RSF1: variants seen among roughly 807,000 people sequenced by gnomAD.
RSF1 encodes the protein HBV pX-associated protein 8.
A neutral mutation model predicts 145.2 loss-of-function variants in RSF1; 13 were observed. That is an observed-to-expected ratio of 0.09 (90% CI 0.06 to 0.14). RSF1 has a LOEUF of 0.14. Among genes scored for constraint, RSF1 ranks in the 10% least tolerant of loss-of-function variants. RSF1 has a pLI of 1.00. For missense variants in RSF1, 1,517 were observed against 1,718.2 expected (o/e 0.88, Z 2.07); for synonymous variants, 577 against 592.6 (o/e 0.97, Z 0.38).
chr11:77,813,146 A>T, intron 1 of RSF1, among the ~76,000 whole-genome samples: 1 of 152,314 alleles, frequency 6.6e-6, no homozygotes, highest in East Asian at 1.9e-4. Flanking sequence ...AGAATATCTT[A>T]CACAACTTAC....
chr11:77,864,371 C>T, the RSF1 span, among the ~76,000 whole-genome samples: 1 of 151,266 alleles, frequency 6.6e-6, no homozygotes, highest in Non-Finnish European at 1.5e-5. Flanking sequence ...ACCCGGGAGT[C>T]GGAGGTTGCA....
chr11:77,671,138 AATATATATATATAT>A (rs1225103987), intron 15 of RSF1, among the ~76,000 whole-genome samples: 222 of 21,962 alleles, frequency 0.01, no homozygotes, highest in African/African-American at 0.034. Flanking sequence ...AAAAAAAAAA[AATATATATATATAT>A]ATATATATAT....
upstream of RSF1, chr11:77,820,760 G>A (rs1948865989): frequency 3.3e-6 from 5 of 1,519,710 alleles, no homozygotes; most frequent in Non-Finnish European, 4.4e-6. Flanking sequence ...GGCGGGGGAA[G>A]TTGTGGTGCC....
At chr11:77,852,731 C>G in the RSF1 span, among the ~76,000 whole-genome samples, 8 of 152,042 alleles carry the variant, frequency 5.3e-5, no homozygotes, top group Admixed American at 1.3e-4. Context: ...AAAAAATAAG[C>G]AAATACAAAA....
chr11:77,846,313 C>T, the RSF1 span, among the ~76,000 whole-genome samples: 1 of 152,138 alleles, frequency 6.6e-6, no homozygotes, highest in Non-Finnish European at 1.5e-5. Flanking sequence ...AGGTCAATTT[C>T]TTCTTTTAGA....
At chr11:77,687,126 T>C (rs1960030437) in intron 9 of RSF1, among the ~76,000 whole-genome samples, 1 of 152,196 alleles carries the variant, frequency 6.6e-6, no homozygotes, top group Non-Finnish European at 1.5e-5. Flanking sequence ...TAGAAACACA[T>C]ATTTTGCTGT....
chr11:77,714,255 T>C (rs562255046), intron 5 of RSF1, among the ~76,000 whole-genome samples: 3 of 152,306 alleles, frequency 2.0e-5, no homozygotes, highest in African/African-American at 4.8e-5. Flanking sequence ...ATGAGGCCCA[T>C]AGTACCTGAG....
chr11:77,768,404 C>G (rs921395009), intron 1 of RSF1, among the ~76,000 whole-genome samples: 2 of 152,124 alleles, frequency 1.3e-5, no homozygotes, highest in African/African-American at 2.4e-5. Flanking sequence ...CTCATGATCT[C>G]CCGCCTCGGC....
chr11:77,821,710 G>A (rs143169289), upstream of RSF1, among the ~76,000 whole-genome samples: 3 of 151,872 alleles, frequency 2.0e-5, no homozygotes, highest in East Asian at 5.8e-4. Context: ...TTAGAAGACA[G>A]GGTTCCACTT....
intron 5 of RSF1, chr11:77,702,753 T>C (rs912877473): frequency 1.0e-5 from 3 of 288,364 alleles, no homozygotes; most frequent in African/African-American, 2.2e-5. Flanking sequence ...GTGTTCTCAA[T>C]GGATTGCAAA....
chr11:77,708,803 A>G (rs995502403), intron 5 of RSF1, among the ~76,000 whole-genome samples: 21 of 152,080 alleles, frequency 1.4e-4, no homozygotes, highest in Non-Finnish European at 1.5e-4. Flanking sequence ...CCTGTTACAA[A>G]TAGTCCCCAC....
intron 5 of RSF1, among the ~76,000 whole-genome samples, chr11:77,712,274 C>T (rs501821): frequency 1.3e-5 from 2 of 152,188 alleles, no homozygotes; most frequent in Non-Finnish European, 2.9e-5. Context: ...GGGAGTTCCC[C>T]TGCACAAGCT....
chr11:77,824,407 T>C (rs1949074988), upstream of RSF1, among the ~76,000 whole-genome samples: 1 of 152,236 alleles, frequency 6.6e-6, no homozygotes, highest in African/African-American at 2.4e-5. Flanking sequence ...TCTTAAGATA[T>C]TTCAAATTTC....
intron 1 of RSF1, among the ~76,000 whole-genome samples, chr11:77,802,820 G>C (rs1018570791): frequency 6.6e-6 from 1 of 152,114 alleles, no homozygotes; most frequent in Non-Finnish European, 1.5e-5. Flanking sequence ...CAAAGTGCTA[G>C]GATTACAGGA....
the RSF1 span, among the ~76,000 whole-genome samples, chr11:77,857,848 C>A: frequency 6.6e-6 from 1 of 152,164 alleles, no homozygotes; most frequent in African/African-American, 2.4e-5. Flanking sequence ...AGGTGCGCAC[C>A]ACCATGCCCT....
At chr11:77,792,866 T>C (rs1223034772) in intron 1 of RSF1, among the ~76,000 whole-genome samples, 1 of 152,112 alleles carries the variant, frequency 6.6e-6, no homozygotes, top group African/African-American at 2.4e-5. Flanking sequence ...TCATTACCAT[T>C]AGACCAGACC....
intron 1 of RSF1, among the ~76,000 whole-genome samples, chr11:77,776,404 T>C (rs1472759356): frequency 6.6e-6 from 1 of 152,160 alleles, no homozygotes; most frequent in Non-Finnish European, 1.5e-5. Flanking sequence ...TTGTCTTTAC[T>C]CCTTGCTAAT....
chr11:77,760,838 AG>A (rs1227175021), intron 2 of RSF1, among the ~76,000 whole-genome samples: 1 of 152,178 alleles, frequency 6.6e-6, no homozygotes, highest in Non-Finnish European at 1.5e-5. Flanking sequence ...CTTTACTTTC[AG>A]GGTACATATG....
At chr11:77,722,155 G>A (rs571888157) in intron 5 of RSF1, among the ~76,000 whole-genome samples, 1 of 152,230 alleles carries the variant, frequency 6.6e-6, no homozygotes, top group South Asian at 2.1e-4. Flanking sequence ...ACTCCAGCCC[G>A]GGTGACAGAG....
Sources: gnomAD v4.1 joint callset for allele counts (sites outside exome capture counted in the v4.1 genomes callset) on GRCh38, gnomAD v4.1.1 for gene constraint, MANE v1.5 for transcripts, NCBI Gene and HGNC (gene_info 2026-07-23, HGNC 2026-07-21) for gene names.